Variants in ING3 observed in about 807,000 individuals in gnomAD.
ING3 encodes the protein inhibitor of growth family member 3.
Under a neutral mutation model 64.8 loss-of-function variants are expected in ING3, and 6 were observed. That is an observed-to-expected ratio of 0.09 (90% CI 0.05 to 0.18). The LOEUF is 0.18. Among genes scored for constraint, ING3 ranks in the 10% least tolerant of loss-of-function variants. The pLI is 1.00. For missense variants in ING3, 310 were observed against 489.7 expected, an observed-to-expected ratio of 0.63 and a Z score of 3.46; for synonymous variants, 170 against 173.7, an observed-to-expected ratio of 0.98 and a Z score of 0.17.
At chr7:120,968,608 G>A (rs1002237165) in intron 8 of ING3, among the ~76,000 whole-genome samples, 3 of 152,078 alleles carry the variant, frequency 2.0e-5, no homozygotes, top group Non-Finnish European at 2.9e-5. Flanking sequence ...TCTTTGATAG[G>A]CCGAGGCAGG....
At chr7:120,955,856 A>G (rs1795838778) in intron 4 of ING3, 1 of 574,188 alleles carries the variant, frequency 1.7e-6, no homozygotes, top group Non-Finnish European at 3.1e-6. Context: ...ATACGGCGGT[A>G]AGGTGGTTTC....
chr7:120,970,550 A>C, intron 9 of ING3, 138 bp from the exon 10 acceptor site: 2 of 793,990 alleles, frequency 2.5e-6, no homozygotes, highest in Non-Finnish European at 3.9e-6. Flanking sequence ...AATTTAAGTC[A>C]TTGGTAAATC....
intron 4 of ING3, among the ~76,000 whole-genome samples, chr7:120,963,273 A>G (rs1489052521): frequency 6.6e-6 from 1 of 152,154 alleles, no homozygotes; most frequent in Non-Finnish European, 1.5e-5. Context: ...TAAATATTCT[A>G]GAACTCTGAA....
At position 120,976,534 on chromosome 7, in the gene ING3, T is replaced by C. The variant is rs1796137442; in HGVS notation, c.*1690T>C. ...TTCATGATACTCAATATTTTGAGAT[T>C]TTATAACCCTTTAAGAAGTGATAAA... On this transcript the variant is annotated 3_prime_UTR_variant, in exon 12 of 12. Coordinates refer to ENST00000315870, the MANE Select transcript of ING3 (RefSeq NM_019071.3). The C allele has an allele frequency of 6.6e-6, 1 of 151,646 alleles. No individual in the cohort carries two copies. The highest frequency in any genetic ancestry group is 2.4e-5 in the African/African-American group (1 of 40,918). 9.4% of individuals were successfully genotyped at this position (151,646 alleles called of 1,614,324 possible).
intron 2 of ING3, 57 bp from the exon 3 acceptor site, chr7:120,953,246 TG>T: frequency 1.0e-6 from 1 of 986,856 alleles, no homozygotes; most frequent in Non-Finnish European, 1.5e-6. Flanking sequence ...AATCAAACCA[TG>T]TATATTTAGT....
chr7:120,966,296 C>T (rs991644415), intron 5 of ING3, among the ~76,000 whole-genome samples: 1 of 152,128 alleles, frequency 6.6e-6, no homozygotes, highest in Admixed American at 6.5e-5. Context: ...TTGACTCTTA[C>T]CAGTAATGAG....
chr7:120,951,242 C>A lies in ING3; in HGVS notation c.100+7C>A. 1.2e-6 allele frequency: 2 copies of A among 1,613,882 alleles called. No homozygotes were observed. The highest frequency in any genetic ancestry group is 4.5e-5 in the East Asian group (2 of 44,872). ...ATGGACCTGCAGGTGCAGAGTAAGT[C>A]GGCGCGTCTACTACTCCTGTTCGCT... On this transcript the variant is annotated splice_region_variant and intron_variant, in intron 2 of 11. Coordinates refer to ENST00000315870, the MANE Select transcript of ING3 (RefSeq NM_019071.3).
chr7:120,970,766 A>G lies in ING3; in HGVS notation c.987A>G (p.Ser329=). 6.2e-7 allele frequency: 1 copy of G among 1,613,630 alleles called. No homozygotes were observed. Among genetic ancestry groups the G allele is most frequent in the Non-Finnish European group, 8.5e-7 (1 of 1,179,594 alleles). Residue 329 remains serine (S), a synonymous_variant, in exon 10 of 12, where the codon TCA becomes TCG. Transcript: ENST00000315870. ...SSSLSSCSSS[S]TVVQEISQQT... The stretch of plus-strand genomic sequence containing the variant: ...CCTTATCATCGTGTTCTTCATCATC[A>G]ACTGTTGTACAAGAAATCTCTCAAC...
chr7:120,968,188 C>A, intron 8 of ING3, 97 bp downstream of exon 8: 1 of 1,060,286 alleles, frequency 9.4e-7, no homozygotes, highest in African/African-American at 1.6e-5. Flanking sequence ...AGTTTTCTAA[C>A]GTTGTATATT....
At chr7:120,966,535 G>A (rs1215069998) in intron 5 of ING3, 91 bp from the exon 6 acceptor site, 2 of 948,386 alleles carry the variant, frequency 2.1e-6, no homozygotes, top group Middle Eastern at 2.1e-4. Context: ...CCTCTGCTGG[G>A]TAAGGGAACT....
chr7:120,959,687 C>T (rs1235806895), intron 4 of ING3, among the ~76,000 whole-genome samples: 2 of 133,484 alleles, frequency 1.5e-5, no homozygotes, highest in Non-Finnish European at 3.1e-5. Context: ...ACTCTTTCGC[C>T]CAAGCTGGAC....
chr7:120,957,245 G>A (rs1795862761), intron 4 of ING3, among the ~76,000 whole-genome samples: 1 of 152,210 alleles, frequency 6.6e-6, no homozygotes, highest in Middle Eastern at 3.4e-3. Context: ...GGTGGCGGGT[G>A]CCTGTAGTTC....
intron 10 of ING3, among the ~76,000 whole-genome samples, chr7:120,972,413 T>G (rs1421705559): frequency 1.3e-5 from 2 of 152,140 alleles, no homozygotes; most frequent in Non-Finnish European, 2.9e-5. Flanking sequence ...CCGATAAACA[T>G]TTTTCAGTAC....
Position 120,950,864 on chromosome 7 carries a change from G to C in ING3, c.-33G>C, listed in dbSNP as rs530995048. 2 of 1,613,048 alleles carry C rather than the reference G, an allele frequency of 1.2e-6. No homozygotes were observed. The stretch of plus-strand genomic sequence containing the variant: ...AGCGAGTGACACAAATAAACCCCTG[G>C]ACCCCCTTGTTCCCTCAGCTCTAAG... On this transcript the variant is annotated 5_prime_UTR_variant, in exon 1 of 12. Coordinates refer to ENST00000315870, the MANE Select transcript of ING3 (RefSeq NM_019071.3).
At chr7:120,956,229 A>C (rs1795845165) in intron 4 of ING3, 3 of 1,589,996 alleles carry the variant, frequency 1.9e-6, no homozygotes, top group Admixed American at 3.5e-5. Context: ...TATTGATGCA[A>C]TTGTGGTGCT....
intron 4 of ING3, among the ~76,000 whole-genome samples, chr7:120,959,305 C>T (rs1795897270): frequency 6.6e-6 from 1 of 152,166 alleles, no homozygotes; most frequent in South Asian, 2.1e-4. Context: ...AAGTTTTATC[C>T]CCAACCTTTG....
intron 4 of ING3, among the ~76,000 whole-genome samples, chr7:120,961,007 T>A (rs919668401): frequency 2.2e-4 from 34 of 152,290 alleles, no homozygotes; most frequent in Non-Finnish European, 4.6e-4. Flanking sequence ...CTTCTTTTTT[T>A]ATATCCTGGC....
intron 5 of ING3, 138 bp from the exon 6 acceptor site, chr7:120,966,488 A>G (rs1795998664): frequency 2.7e-6 from 2 of 752,674 alleles, no homozygotes; most frequent in East Asian, 2.5e-5. Flanking sequence ...ATGTCTGGCT[A>G]AAATAAATAC....
Position 120,953,864 on chromosome 7 carries a change from G to A in ING3, c.201+460G>A, listed in dbSNP as rs75731925. ...TAGTTTAAACTCTAAATTTGCACAC[G>A]AATTGGTCTGGAAACATAGAATTCT... On this transcript the variant is annotated intron_variant, in intron 3 of 11. Transcript: ENST00000315870. Among the ~76,000 whole-genome samples, 143 of 152,212 alleles carry A rather than the reference G, an allele frequency of 9.4e-4. 2 individuals are homozygous for A. The East Asian group carries it at 0.023, about 25-fold the overall frequency.
Sources: allele counts gnomAD v4.1 joint callset (sites outside exome capture counted in the v4.1 genomes callset), GRCh38; gene constraint gnomAD v4.1.1; transcripts MANE v1.5; gene names NCBI Gene and HGNC (gene_info 2026-07-23, HGNC 2026-07-21).